STRN3: variants seen among roughly 807,000 people sequenced by gnomAD.
STRN3 encodes striatin 3.
In STRN3, 29 loss-of-function variants were observed where a neutral mutation model predicts 95.6. The observed-to-expected ratio is 0.30, with a 90% CI of 0.23 to 0.41. STRN3 has a LOEUF of 0.41. Ranked by LOEUF, STRN3 falls within the 10% of genes least tolerant of loss-of-function variation. STRN3 has a pLI of 1.00. For synonymous variants in STRN3, 331 were observed against 357.6 expected (o/e 0.93, Z 0.84); for missense variants, 890 against 972.1 (o/e 0.92, Z 1.12).
intron 1 of STRN3, among the ~76,000 whole-genome samples, chr14:30,981,919 A>AC (rs1467232147): frequency 6.6e-5 from 10 of 152,040 alleles, no homozygotes; most frequent in African/African-American, 2.2e-4. Context: ...ACATGGTGAA[A>AC]CCCCATCTCT....
intron 1 of STRN3, among the ~76,000 whole-genome samples, chr14:30,975,743 G>A (rs541663662): frequency 6.6e-6 from 1 of 151,212 alleles, no homozygotes; most frequent in African/African-American, 2.4e-5. Context: ...TGATGTGAGA[G>A]GACCACTTGA....
At chr14:30,913,924 A>G (rs1369617510) in intron 9 of STRN3, among the ~76,000 whole-genome samples, 1 of 149,836 alleles carries the variant, frequency 6.7e-6, no homozygotes, top group Non-Finnish European at 1.5e-5. Context: ...GTCTGTCTAA[A>G]TCTCTTATCA....
At chr14:30,957,000 A>G (rs1341037740) in intron 1 of STRN3, among the ~76,000 whole-genome samples, 1 of 151,494 alleles carries the variant, frequency 6.6e-6, no homozygotes, top group Non-Finnish European at 1.5e-5. Flanking sequence ...CTCTACAAAA[A>G]TACAAAAATT....
At chr14:31,022,466 A>AT (rs778580952) in intron 1 of STRN3, among the ~76,000 whole-genome samples, 2 of 152,060 alleles carry the variant, frequency 1.3e-5, no homozygotes, top group Non-Finnish European at 2.9e-5. Context: ...GCAAACAAGC[A>AT]TTTTGTATAT....
intron 13 of STRN3, among the ~76,000 whole-genome samples, chr14:30,909,814 T>C (rs1178229894): frequency 2.0e-5 from 3 of 152,206 alleles, no homozygotes; most frequent in Admixed American, 2.0e-4. Context: ...TTTTGTGATA[T>C]GTAAATTATC....
chr14:30,932,091 A>G lies in STRN3; in HGVS notation c.989-2780T>C, dbSNP rs865790200. 2.3e-4 allele frequency: 35 copies of G among 152,342 alleles called. 1 individual carries two copies. In the South Asian group the frequency reaches 5.0e-3, roughly 22 times the overall value. The allele number at this position is 152,342 out of a possible 1,614,324, so 9.4% of individuals were successfully genotyped here. A position where few individuals can be genotyped will look rare whatever the true frequency, so the allele number is the denominator to read the frequency against. On this transcript the variant is annotated intron_variant, in intron 7 of 17. Coordinates refer to ENST00000357479, the MANE Select transcript of STRN3 (RefSeq NM_001083893.2). The stretch of plus-strand genomic sequence containing the variant: ...AGACCAGCCTGGCCAACATGGTGAA[A>G]ACCTGTCTCTATTAAAAATACAAAA...
intron 7 of STRN3, among the ~76,000 whole-genome samples, chr14:30,933,440 C>T (rs1878658020): frequency 6.6e-6 from 1 of 151,442 alleles, no homozygotes; most frequent in Non-Finnish European, 1.5e-5. Context: ...TTTGTAGGTT[C>T]TAAGTTTTTT....
Position 30,950,861 on chromosome 14 carries a change from A to T in STRN3, c.542+2T>A. On this transcript the variant is annotated splice_donor_variant, in intron 4 of 17. Coordinates refer to ENST00000357479, the MANE Select transcript of STRN3 (RefSeq NM_001083893.2). LOFTEE classifies it high-confidence loss of function. ...GAAGGTTGAAAATAAGTAATTACTC[A>T]CTGTCTTAAAAGCTGTCTGCCTTGC... 1 of 1,613,284 alleles carries T rather than the reference A, an allele frequency of 6.2e-7. No homozygotes were observed. Among genetic ancestry groups the T allele is most frequent in the Non-Finnish European group, 8.5e-7 (1 of 1,179,472 alleles).
At chr14:30,996,424 G>A (rs1354772722) in intron 1 of STRN3, among the ~76,000 whole-genome samples, 1 of 152,172 alleles carries the variant, frequency 6.6e-6, no homozygotes, top group Non-Finnish European at 1.5e-5. Context: ...GGGTCACACA[G>A]TAAATATAAT....
chr14:30,991,575 A>T (rs1881955952), intron 1 of STRN3, among the ~76,000 whole-genome samples: 1 of 152,230 alleles, frequency 6.6e-6, no homozygotes, highest in Non-Finnish European at 1.5e-5. Flanking sequence ...GAGAACTCAG[A>T]TCAAATGGGA....
intron 1 of STRN3, among the ~76,000 whole-genome samples, chr14:30,983,385 A>G (rs953305292): frequency 6.6e-6 from 1 of 152,188 alleles, no homozygotes; most frequent in South Asian, 2.1e-4. Context: ...TCTACTAAAA[A>G]TACAAAAAAA....
chr14:30,910,939 G>A, intron 13 of STRN3, 102 bp downstream of exon 13: 2 of 1,272,558 alleles, frequency 1.6e-6, no homozygotes, highest in Non-Finnish European at 2.1e-6. Context: ...ACTAAATGAG[G>A]TGACTAATAT....
At chr14:30,973,819 A>G (rs1217987070) in intron 1 of STRN3, among the ~76,000 whole-genome samples, 2 of 152,252 alleles carry the variant, frequency 1.3e-5, no homozygotes, top group Non-Finnish European at 2.9e-5. Context: ...AATTCAACAT[A>G]TGAAAATCAA....
At chr14:30,964,063 C>T (rs1200273294) in intron 1 of STRN3, among the ~76,000 whole-genome samples, 2 of 152,000 alleles carry the variant, frequency 1.3e-5, no homozygotes, top group African/African-American at 4.8e-5. Context: ...ATCAACCTGG[C>T]CAACATGGCG....
At chr14:30,989,419 C>T (rs1198945053) in intron 1 of STRN3, among the ~76,000 whole-genome samples, 15 of 152,024 alleles carry the variant, frequency 9.9e-5, no homozygotes, top group Admixed American at 9.8e-4. Flanking sequence ...TGGGAGGTAG[C>T]GAGACAGCAG....
intron 1 of STRN3, among the ~76,000 whole-genome samples, chr14:31,000,344 G>T (rs1392221356): frequency 6.6e-6 from 1 of 151,704 alleles, no homozygotes; most frequent in African/African-American, 2.4e-5. Flanking sequence ...TACAATAGAG[G>T]GACATAACTT....
rs527350387 is a variant in STRN3 at position 30,933,912 on chromosome 14, T to C, written c.988+1251A>G. Among the ~76,000 whole-genome samples, 3 of 152,356 alleles carry C rather than the reference T, an allele frequency of 2.0e-5. No individual in the cohort carries two copies. The South Asian group carries it at 6.2e-4, about 32-fold the overall frequency. ...CTCTTGCTATTAGCAATACTTAGTT[T>C]AAACACATAAATGAGGCATCTTTTA... is the stretch of plus-strand genomic sequence containing the variant. On this transcript the variant is annotated intron_variant, in intron 7 of 17. Coordinates refer to ENST00000357479, the MANE Select transcript of STRN3 (RefSeq NM_001083893.2).
In STRN3 at chr14:30,952,309, G is replaced by A. The variant is rs533044357; in HGVS notation, c.461-1365C>T. 3.6e-4 allele frequency among the ~76,000 whole-genome samples: 55 copies of A among 152,214 alleles called. No individual in the cohort carries two copies. The South Asian group carries it at 9.3e-3, about 26-fold the overall frequency. ...AAGATCAACCCTCATACTGAATGTTGAAGACTCTGTGAGGCTCCTAGACTC... is the reference window on the plus strand; with the variant it reads ...AAGATCAACCCTCATACTGAATGTTAAAGACTCTGTGAGGCTCCTAGACTC... On this transcript the variant is annotated intron_variant, in intron 3 of 17. Coordinates refer to ENST00000357479, the MANE Select transcript of STRN3 (RefSeq NM_001083893.2).
chr14:30,995,820 C>A (rs577095162), intron 1 of STRN3, among the ~76,000 whole-genome samples: 10 of 152,294 alleles, frequency 6.6e-5, no homozygotes, highest in African/African-American at 2.4e-4. Flanking sequence ...CACTGATGTG[C>A]TGCCCCATAT....
Sources: allele counts gnomAD v4.1 joint callset (sites outside exome capture counted in the v4.1 genomes callset), GRCh38; gene constraint gnomAD v4.1.1; transcripts MANE v1.5; gene names NCBI Gene and HGNC (gene_info 2026-07-23, HGNC 2026-07-21).